Variants in SPC24 observed in about 807,000 individuals in gnomAD.
SPC24 encodes kinetochore protein Spc24.
SPC24 carries 31 observed loss-of-function variants against 27.6 expected under a neutral mutation model. The observed-to-expected ratio is 1.12, with a 90% CI of 0.84 to 1.52. The LOEUF is 1.52. Ranked by LOEUF, SPC24 falls within the 40% of genes most tolerant of loss-of-function variation. The pLI is 0.00. For synonymous variants in SPC24, 105 were observed against 105.8 expected (o/e 0.99, Z 0.05); for missense variants, 284 against 252.5 (o/e 1.12, Z -0.84).
chr19:11,147,908 CAAAAAAAAAAA>C lies in SPC24; in HGVS notation c.411-25_411-15del, dbSNP rs58845884. 4.6e-5 allele frequency: 51 copies of C among 1,115,720 alleles called. No homozygotes were observed. The highest frequency in any genetic ancestry group is 2.5e-4 in the Middle Eastern group (1 of 3,950). 69.1% of individuals were successfully genotyped at this position (1,115,720 alleles called of 1,614,324 possible). On this transcript the variant is annotated splice_polypyrimidine_tract_variant and intron_variant, in intron 3 of 4. Transcript: ENST00000592540. ...TGAGCCACGTACCTGTACAGGAAGA[CAAAAAAAAAAA>C]AAAAAAAAAAAGAAAGTTACCCAGC...
chr19:11,145,765 G>A lies in SPC24; in HGVS notation c.*1418C>T, dbSNP rs997917156. 1 of 152,190 alleles carries A rather than the reference G, an allele frequency of 6.6e-6. No individual in the cohort carries two copies. The highest frequency in any genetic ancestry group is 2.4e-5 in the African/African-American group (1 of 41,434). 9.4% of individuals were successfully genotyped at this position (152,190 alleles called of 1,614,324 possible). ...GAAATAGGAAGGGGGAAGAAAGGGT[G>A]TATTTGTCTTTTAAGAATCCTTCTA... On this transcript the variant is annotated 3_prime_UTR_variant, in exon 5 of 5. Coordinates refer to ENST00000592540, the MANE Select transcript of SPC24 (RefSeq NM_182513.4).
intron 1 of SPC24, among the ~76,000 whole-genome samples, chr19:11,151,798 C>CG (rs1292266510): frequency 6.6e-6 from 1 of 151,198 alleles, no homozygotes; most frequent in Non-Finnish European, 1.5e-5. Context: ...TTACCGGAGA[C>CG]GGTGTTTCAC....
rs77943681 is a variant in SPC24 at position 11,155,649 on chromosome 19, T to C, written c.128A>G (p.Glu43Gly). The change falls in exon 1 of 5, where the codon GAA (glutamate) becomes GGA (glycine). Residue 43 changes from glutamate to glycine, a missense_variant. By Grantham distance (98) the Glu-to-Gly change is moderately conservative. Transcript: ENST00000592540. The part of the protein sequence containing the change: ...RHEQVVERLL[E>G]TQDGAEKQLR... ...CTGCTTCTCGGCACCGTCTTGCGTT[T>C]CCAGCAGCCGCTCCACCACCTGCTC... is the stretch of plus-strand genomic sequence containing the variant. The C allele has an allele frequency of 6.4e-7, 1 of 1,552,850 alleles. No homozygotes were observed.
intron 1 of SPC24, among the ~76,000 whole-genome samples, chr19:11,152,512 A>G (rs933025875): frequency 3.9e-5 from 6 of 152,166 alleles, no homozygotes; most frequent in Middle Eastern, 3.4e-3. Context: ...ACCCAGCCTG[A>G]GGGTGTACTT....
intron 1 of SPC24, among the ~76,000 whole-genome samples, chr19:11,154,956 C>A (rs2147329808): frequency 6.6e-6 from 1 of 152,232 alleles, no homozygotes; most frequent in Non-Finnish European, 1.5e-5. Flanking sequence ...GAGGCTGAGG[C>A]AGGCAGATTA....
rs1030315250 is a variant in SPC24, at chr19:11,147,589, T to C, written c.487+229A>G. 3.4e-5 allele frequency: 20 copies of C among 580,030 alleles called. No homozygotes were observed. The African/African-American group carries it at 3.6e-4, about 10-fold the overall frequency. The allele number at this position is 580,030 out of a possible 1,614,324, so 35.9% of individuals were successfully genotyped here. ...GATTACAGGCGTGAGGTACCACACT[T>C]GGCCTGCTATACTTTACTATATTTA... On this transcript the variant is annotated intron_variant, in intron 4 of 4. Transcript: ENST00000592540.
chr19:11,151,023 C>T (rs1358532645), intron 1 of SPC24, among the ~76,000 whole-genome samples: 5 of 151,818 alleles, frequency 3.3e-5, no homozygotes, highest in Non-Finnish European at 5.9e-5. Flanking sequence ...ATTAGCTGGG[C>T]GTGGCGGAGG....
rs934558921 is a variant in SPC24 at position 11,145,693 on chromosome 19, G to A, written c.*1490C>T. 2 of 152,160 alleles carry A rather than the reference G, an allele frequency of 1.3e-5. No individual in the cohort carries two copies. Among genetic ancestry groups the A allele is most frequent in the Non-Finnish European group, 2.9e-5 (2 of 68,040 alleles). The allele number at this position is 152,160 out of a possible 1,614,324, so 9.4% of individuals were successfully genotyped here. The stretch of plus-strand genomic sequence containing the variant: ...TAAAGGACGGCACTCGTCTGTACAC[G>A]TGGCAGTATGGCTGCCAGGGCTCCA... On this transcript the variant is annotated 3_prime_UTR_variant, in exon 5 of 5. Coordinates refer to ENST00000592540, the MANE Select transcript of SPC24 (RefSeq NM_182513.4).
rs570520703 is a variant in SPC24, at chr19:11,146,408, C to A, written c.*775G>T. The A allele has an allele frequency of 2.0e-5, 3 of 147,390 alleles. No homozygotes were observed. In the Admixed American group the frequency reaches 2.1e-4, roughly 10 times the overall value. The allele number at this position is 147,390 out of a possible 1,614,324, so 9.1% of individuals were successfully genotyped here. Reference sequence around the variant, plus strand: ...TAGATAAGTCGACTCCCGTTGGTTACCTAGCTGAGGCCACTCTAGGAGCTG... The same window carrying A: ...TAGATAAGTCGACTCCCGTTGGTTAACTAGCTGAGGCCACTCTAGGAGCTG... On this transcript the variant is annotated 3_prime_UTR_variant, in exon 5 of 5. Transcript: ENST00000592540.
intron 1 of SPC24, among the ~76,000 whole-genome samples, chr19:11,149,545 T>G (rs2077854398): frequency 6.6e-6 from 1 of 150,590 alleles, no homozygotes; most frequent in South Asian, 2.1e-4. Flanking sequence ...AGGCCAAGAG[T>G]TCAAGCCTGG....
chr19:11,148,499 C>T (rs1034721374), intron 2 of SPC24, among the ~76,000 whole-genome samples: 26 of 151,824 alleles, frequency 1.7e-4, no homozygotes, highest in Non-Finnish European at 2.9e-4. Flanking sequence ...TGAGCCACCG[C>T]GCCTGGTCTT....
chr19:11,150,543 T>TC (rs1435098833), intron 1 of SPC24, among the ~76,000 whole-genome samples: 2 of 151,116 alleles, frequency 1.3e-5, no homozygotes, highest in African/African-American at 4.9e-5. Flanking sequence ...ATGCCTGGAA[T>TC]CCCAGCACTT....
At position 11,148,129 on chromosome 19, in the gene SPC24, C is replaced by G; in HGVS notation, c.306-12G>C. 2 of 1,601,688 alleles carry G rather than the reference C, an allele frequency of 1.2e-6. No homozygotes were observed. Among genetic ancestry groups the G allele is most frequent in the African/African-American group, 1.3e-5 (1 of 74,744 alleles). On this transcript the variant is annotated splice_polypyrimidine_tract_variant and intron_variant, in intron 2 of 4. Transcript: ENST00000592540. ...CTCTGGTGAGCTGAGTAGGGCAGGT[C>G]GTTAAGGACCCCGGCTTTCGAGAGA...
chr19:11,155,771 G>C lies in SPC24; in HGVS notation c.6C>G (p.Ala2=), dbSNP rs752093325. The change falls in exon 1 of 5, where the codon GCC becomes GCG. Residue 2 remains alanine, a synonymous_variant. Transcript: ENST00000592540. M[A]AFRDIEEVSQ... ...TCACCTCCTCTATGTCGCGGAAGGC[G>C]GCCATGACTACGCCAGGCTCCAACC... 16 of 1,538,512 alleles carry C rather than the reference G, an allele frequency of 1.0e-5. No individual in the cohort carries two copies. The highest frequency in any genetic ancestry group is 1.8e-4 in the Middle Eastern group (1 of 5,506).
rs530271805 is a variant in SPC24 at position 11,145,799 on chromosome 19, A to T, written c.*1384T>A. On this transcript the variant is annotated 3_prime_UTR_variant, in exon 5 of 5. Transcript: ENST00000592540. ...TTTTAAGAATCCTTCTAGAAGTGTC[A>T]TGTAACATTTCCACATACATTTCAC... 1 of 152,348 alleles carries T rather than the reference A, an allele frequency of 6.6e-6. No homozygotes were observed. The highest frequency in any genetic ancestry group is 2.1e-4 in the South Asian group (1 of 4,832). 9.4% of individuals were successfully genotyped at this position (152,348 alleles called of 1,614,324 possible).
chr19:11,149,959 C>T (rs1334330295), intron 1 of SPC24, among the ~76,000 whole-genome samples: 1 of 151,756 alleles, frequency 6.6e-6, no homozygotes, highest in African/African-American at 2.4e-5. Flanking sequence ...ATCCACCCGC[C>T]TCAGCTTCCC....
intron 4 of SPC24, 36 bp from the exon 5 acceptor site, chr19:11,147,325 A>C: frequency 7.1e-7 from 1 of 1,411,122 alleles, no homozygotes. Context: ...CGGGACACAC[A>C]GCCCCTCACA....
rs2077819643 is a variant in SPC24 at position 11,145,843 on chromosome 19, A to G, written c.*1340T>C. 1 of 152,122 alleles carries G rather than the reference A, an allele frequency of 6.6e-6. No homozygotes were observed. Among genetic ancestry groups the G allele is most frequent in the Non-Finnish European group, 1.5e-5 (1 of 68,020 alleles). The allele number at this position is 152,122 out of a possible 1,614,324, so 9.4% of individuals were successfully genotyped here. A position where few individuals can be genotyped will look rare whatever the true frequency, so the allele number is the denominator to read the frequency against. ...ATTTCACTGGCCAGACCTTAACTAT[A>G]AGGGCAGCTGGGAAGTGTTGTATTT... On this transcript the variant is annotated 3_prime_UTR_variant, in exon 5 of 5. Transcript: ENST00000592540.
intron 1 of SPC24, among the ~76,000 whole-genome samples, chr19:11,151,730 C>T (rs1475772658): frequency 6.6e-6 from 1 of 151,872 alleles, no homozygotes; most frequent in Non-Finnish European, 1.5e-5. Flanking sequence ...CTGCCTCAGC[C>T]TCCTGAGTAG....
Sources: gnomAD v4.1 joint callset for allele counts (sites outside exome capture counted in the v4.1 genomes callset) on GRCh38, gnomAD v4.1.1 for gene constraint, MANE v1.5 for transcripts, NCBI Gene and HGNC (gene_info 2026-07-23, HGNC 2026-07-21) for gene names.